The following CSMD1 variants were observed in gnomAD, a reference collection of about 807,000 sequenced individuals.
CSMD1 encodes CUB and Sushi multiple domains 1.
In CSMD1, 213 loss-of-function variants were observed where a neutral mutation model predicts 417.5. The ratio of observed to expected loss-of-function variants is 0.51; its 90% CI spans 0.46 to 0.57. The LOEUF (loss-of-function observed/expected upper bound fraction) is 0.57. CSMD1 is among the 20% of genes least tolerant of loss of function. CSMD1 has a pLI of 0.00. For synonymous variants in CSMD1, 2,862 were observed against 1,736.8 expected (o/e 1.65, Z -16.11); for missense variants, 6,923 against 4,529.7 (o/e 1.53, Z -15.17).
intron 7 of CSMD1, among the ~76,000 whole-genome samples, chr8:3,696,586 G>A (rs535597926): frequency 2.0e-5 from 3 of 152,064 alleles, no homozygotes; most frequent in Non-Finnish European, 2.9e-5. Context: ...ATTAATTTGG[G>A]CAGATCAGGA....
chr8:4,682,400 G>T (rs1228606473), intron 1 of CSMD1, among the ~76,000 whole-genome samples: 1 of 151,858 alleles, frequency 6.6e-6, no homozygotes, highest in Admixed American at 6.6e-5. Context: ...GTGTCCTCAG[G>T]TATGCATTTA....
At chr8:4,752,756 G>A (rs1811414347) in intron 1 of CSMD1, among the ~76,000 whole-genome samples, 1 of 152,112 alleles carries the variant, frequency 6.6e-6, no homozygotes, top group African/African-American at 2.4e-5. Context: ...CTCCGTGGAA[G>A]GACAAAAGTG....
intron 7 of CSMD1, among the ~76,000 whole-genome samples, chr8:3,647,408 C>CAAAGAGAAAAACAGCAT (rs1162104208): frequency 6.6e-6 from 1 of 151,416 alleles, no homozygotes; most frequent in Non-Finnish European, 1.5e-5. Flanking sequence ...AAATAGAACA[C>CAAAGAGAAAAACAGCAT]AAAGAGAAAA....
chr8:4,268,168 T>A (rs1268206497), intron 3 of CSMD1, among the ~76,000 whole-genome samples: 1 of 152,150 alleles, frequency 6.6e-6, no homozygotes, highest in African/African-American at 2.4e-5. Context: ...CACAACAACT[T>A]AATTTGGACT....
At position 3,087,085 on chromosome 8, in the gene CSMD1, C is replaced by T. The variant is rs758840471; in HGVS notation, c.7474+12G>A. On this transcript the variant is annotated intron_variant, in intron 49 of 69. Coordinates refer to ENST00000635120, the MANE Select transcript of CSMD1 (RefSeq NM_033225.6). ...CAGGAAACAAGGCTGGGGATGAAAA[C>T]GCATTTCTTACCCTGGCAGAGTGGC... 1.9e-5 allele frequency: 31 copies of T among 1,609,546 alleles called. No homozygotes were observed. In the East Asian group the frequency reaches 2.5e-4, roughly 13 times the overall value.
chr8:4,524,975 A>C (rs908636261), intron 2 of CSMD1, among the ~76,000 whole-genome samples: 1 of 152,206 alleles, frequency 6.6e-6, no homozygotes, highest in African/African-American at 2.4e-5. Flanking sequence ...ACAACTTGCC[A>C]CGTATTTTTT....
chr8:4,533,074 A>G (rs1796917061), intron 2 of CSMD1, among the ~76,000 whole-genome samples: 1 of 152,204 alleles, frequency 6.6e-6, no homozygotes, highest in Admixed American at 6.5e-5. Flanking sequence ...TTCTGCGTCA[A>G]AAGATTTTTT....
At position 3,632,566 on chromosome 8, in the gene CSMD1, A is replaced by C. The variant is rs935783260; in HGVS notation, c.1010-15769T>G. On this transcript the variant is annotated intron_variant, in intron 7 of 69. Transcript: ENST00000635120. ...TGGGATGTCTGGCTTCTTTTTTAAAAAATTGCATAAAGATGATGATTCTGG... is the reference window on the plus strand; with the variant it reads ...TGGGATGTCTGGCTTCTTTTTTAAACAATTGCATAAAGATGATGATTCTGG... 4.6e-5 allele frequency among the ~76,000 whole-genome samples: 7 copies of C among 152,222 alleles called. 1 individual carries two copies. The highest frequency in any genetic ancestry group is 3.3e-4 in the Admixed American group (5 of 15,284).
chr8:4,476,217 A>C (rs1245496377), intron 2 of CSMD1, among the ~76,000 whole-genome samples: 2 of 152,172 alleles, frequency 1.3e-5, no homozygotes, highest in African/African-American at 4.8e-5. Flanking sequence ...ACAGAAAATA[A>C]AACTTTTTTA....
At chr8:3,563,691 C>T (rs915963404) in intron 10 of CSMD1, among the ~76,000 whole-genome samples, 2 of 152,014 alleles carry the variant, frequency 1.3e-5, no homozygotes, top group African/African-American at 4.8e-5. Context: ...GAGTTCGAGA[C>T]CAGCCTGGCC....
intron 1 of CSMD1, among the ~76,000 whole-genome samples, chr8:4,703,925 TA>T (rs1807747296): frequency 6.6e-6 from 1 of 152,148 alleles, no homozygotes; most frequent in Non-Finnish European, 1.5e-5. Flanking sequence ...CATCAGGCAT[TA>T]GATTCTCACA....
At chr8:3,292,452 G>A (rs556744790) in intron 25 of CSMD1, among the ~76,000 whole-genome samples, 35 of 152,232 alleles carry the variant, frequency 2.3e-4, no homozygotes, top group African/African-American at 8.2e-4. Flanking sequence ...TTATTATTGT[G>A]TGGGTGTCTG....
At chr8:4,363,003 A>G (rs535298259) in intron 3 of CSMD1, among the ~76,000 whole-genome samples, 46 of 152,182 alleles carry the variant, frequency 3.0e-4, no homozygotes, top group Non-Finnish European at 8.8e-5. Context: ...GCAGTCTTTG[A>G]ATAGATTTTG....
At chr8:3,544,273 G>C (rs150241255) in intron 10 of CSMD1, among the ~76,000 whole-genome samples, 2 of 152,116 alleles carry the variant, frequency 1.3e-5, no homozygotes, top group African/African-American at 4.8e-5. Context: ...AAAAAAGAGC[G>C]TTCTTAATTT....
At chr8:3,927,271 A>C (rs1228426047) in intron 5 of CSMD1, among the ~76,000 whole-genome samples, 1 of 152,042 alleles carries the variant, frequency 6.6e-6, no homozygotes, top group Non-Finnish European at 1.5e-5. Context: ...TAGCAGACAT[A>C]AGCTAATAAT....
intron 2 of CSMD1, among the ~76,000 whole-genome samples, chr8:4,598,369 T>G (rs912385167): frequency 5.9e-5 from 9 of 152,198 alleles, no homozygotes; most frequent in African/African-American, 2.2e-4. Flanking sequence ...GGCTGGTGCC[T>G]AGATATTAGC....
chr8:3,926,535 T>C (rs1263631086), intron 5 of CSMD1, among the ~76,000 whole-genome samples: 1 of 151,912 alleles, frequency 6.6e-6, no homozygotes, highest in Non-Finnish European at 1.5e-5. Flanking sequence ...AAAAAGCAAA[T>C]AATTGTTTCT....
intron 46 of CSMD1, among the ~76,000 whole-genome samples, chr8:3,097,607 A>G (rs1815408004): frequency 6.6e-6 from 1 of 152,204 alleles, no homozygotes; most frequent in African/African-American, 2.4e-5. Flanking sequence ...CCTGGGTGAG[A>G]CATAGCCCGG....
chr8:3,110,071 T>G, intron 43 of CSMD1, 87 bp downstream of exon 43: 1 of 1,099,380 alleles, frequency 9.1e-7, no homozygotes, highest in Non-Finnish European at 1.3e-6. Context: ...ATTCTAAATA[T>G]GTGCCTTGTA....
Sources: gnomAD v4.1 joint callset for allele counts (sites outside exome capture counted in the v4.1 genomes callset) on GRCh38, gnomAD v4.1.1 for gene constraint, MANE v1.5 for transcripts, NCBI Gene and HGNC (gene_info 2026-07-23, HGNC 2026-07-21) for gene names.